CDH12: variants seen among roughly 807,000 people sequenced by gnomAD.
CDH12 encodes cadherin 12.
A neutral mutation model predicts 74.1 loss-of-function variants in CDH12; 41 were observed. The ratio of observed to expected loss-of-function variants is 0.55; its 90% confidence interval spans 0.43 to 0.72. The LOEUF (loss-of-function observed/expected upper bound fraction) is 0.72. Ranked by LOEUF, CDH12 falls within the 30% of genes least tolerant of loss-of-function variation. CDH12 has a pLI of 0.00. For missense variants in CDH12, 945 were observed against 977.2 expected (o/e 0.97, Z 0.44); for synonymous variants, 399 against 355.0 (o/e 1.12, Z -1.39).
chr5:22,608,026 C>G (rs1451852022), intron 1 of CDH12, among the ~76,000 whole-genome samples: 1 of 152,162 alleles, frequency 6.6e-6, no homozygotes, highest in Non-Finnish European at 1.5e-5. Context: ...GGGGTTGGAG[C>G]CCCACACAGA....
chr5:21,773,017 A>G (rs140910210), intron 11 of CDH12, among the ~76,000 whole-genome samples: 103 of 152,328 alleles, frequency 6.8e-4, no homozygotes, highest in African/African-American at 2.4e-3. Flanking sequence ...AGTCTATCAC[A>G]ATACAAATTT....
intron 2 of CDH12, among the ~76,000 whole-genome samples, chr5:22,431,097 A>G (rs1399820478): frequency 6.6e-6 from 1 of 152,162 alleles, no homozygotes. Flanking sequence ...GGATTACAAA[A>G]ATAGCTCAGT....
At chr5:22,320,928 G>A (rs531826790) in intron 3 of CDH12, among the ~76,000 whole-genome samples, 1 of 152,164 alleles carries the variant, frequency 6.6e-6, no homozygotes, top group Non-Finnish European at 1.5e-5. Context: ...ACAATGCAGT[G>A]TATCACAGTT....
chr5:22,725,292 G>A (rs1196137068), intron 1 of CDH12, among the ~76,000 whole-genome samples: 1 of 151,816 alleles, frequency 6.6e-6, no homozygotes, highest in African/African-American at 2.4e-5. Context: ...CTAAATTTAT[G>A]ATAGTAGCTA....
intron 11 of CDH12, among the ~76,000 whole-genome samples, chr5:21,782,181 T>C (rs569646935): frequency 1.4e-4 from 22 of 152,290 alleles, no homozygotes; most frequent in African/African-American, 5.3e-4. Context: ...ATTGTCAACC[T>C]GAGCACCGCA....
At chr5:22,425,827 C>T (rs1743908037) in intron 2 of CDH12, among the ~76,000 whole-genome samples, 1 of 151,982 alleles carries the variant, frequency 6.6e-6, no homozygotes, top group African/African-American at 2.4e-5. Flanking sequence ...AGGTGCACAC[C>T]ACTAAGTATG....
intron 2 of CDH12, among the ~76,000 whole-genome samples, chr5:22,424,002 CAAAAAAAA>C (rs1165781089): frequency 1.6e-4 from 5 of 31,222 alleles, no homozygotes; most frequent in Admixed American, 4.8e-4. Context: ...GACTCTGTCT[CAAAAAAAA>C]AAAAAAAAAA....
chr5:22,349,028 T>C (rs921567190), intron 3 of CDH12, among the ~76,000 whole-genome samples: 1 of 151,950 alleles, frequency 6.6e-6, no homozygotes, highest in African/African-American at 2.4e-5. Flanking sequence ...AAGAGTAGAG[T>C]CCTCATGAAT....
chr5:21,865,447 G>A (rs1751276103), intron 6 of CDH12, among the ~76,000 whole-genome samples: 1 of 152,162 alleles, frequency 6.6e-6, no homozygotes, highest in Non-Finnish European at 1.5e-5. Flanking sequence ...AGGCATTTCA[G>A]AGCACCTCAA....
chr5:22,479,858 A>G (rs1357944419), intron 2 of CDH12, among the ~76,000 whole-genome samples: 1 of 152,200 alleles, frequency 6.6e-6, no homozygotes, highest in Non-Finnish European at 1.5e-5. Flanking sequence ...AAAGAGAACT[A>G]AAATGAAGCC....
intron 3 of CDH12, among the ~76,000 whole-genome samples, chr5:22,362,102 C>T (rs1003357841): frequency 6.6e-6 from 1 of 152,074 alleles, no homozygotes; most frequent in African/African-American, 2.4e-5. Context: ...AACTAAAGAC[C>T]TTCTGCACAG....
At chr5:21,884,460 G>A in intron 6 of CDH12, 1 of 656,624 alleles carries the variant, frequency 1.5e-6, no homozygotes, top group Non-Finnish European at 2.7e-6. Flanking sequence ...ACTGGTTTCA[G>A]TTGACAAAAT....
At chr5:22,415,065 T>A (rs1270351) in intron 2 of CDH12, among the ~76,000 whole-genome samples, 101,129 of 151,858 alleles carry the variant, frequency 0.67, 34,578 homozygotes, top group East Asian at 0.77. Context: ...CTCTTAAACT[T>A]TTAGACTTTG....
chr5:22,039,055 C>T lies in CDH12; in HGVS notation c.231+39391G>A, dbSNP rs551669469. ...CAACAGGGTTCAAGCAACAGCTGCA[C>T]TCCACATGGTGGTCATGCTGCCACT... On this transcript the variant is annotated intron_variant, in intron 5 of 14. Transcript: ENST00000382254. Among the ~76,000 whole-genome samples, 32 of 152,284 alleles carry T rather than the reference C, an allele frequency of 2.1e-4. 1 individual carries two copies. Among genetic ancestry groups the T allele is most frequent in the East Asian group, 1.5e-3 (8 of 5,168 alleles).
At chr5:22,073,995 C>A (rs1303205101) in intron 5 of CDH12, among the ~76,000 whole-genome samples, 1 of 152,088 alleles carries the variant, frequency 6.6e-6, no homozygotes, top group East Asian at 1.9e-4. Context: ...GATCTTAGAA[C>A]AATGTAAGTT....
At chr5:21,906,481 A>G (rs1753647021) in intron 6 of CDH12, among the ~76,000 whole-genome samples, 1 of 152,230 alleles carries the variant, frequency 6.6e-6, no homozygotes, top group Non-Finnish European at 1.5e-5. Context: ...TCTTAAGGGA[A>G]GGAAAAGCTG....
intron 4 of CDH12, among the ~76,000 whole-genome samples, chr5:22,137,759 G>A (rs548841536): frequency 1.5e-4 from 23 of 152,154 alleles, no homozygotes; most frequent in African/African-American, 5.3e-4. Flanking sequence ...AGGCACAAGG[G>A]CGCCATAAAT....
chr5:21,982,019 A>G lies in CDH12; in HGVS notation c.232-6634T>C, dbSNP rs539486772. ...GCCTGATAGTTAATTTTATATGTCA[A>G]CTTGACTGAGCCATAAATTGCCCAG... is the stretch of plus-strand genomic sequence containing the variant. On this transcript the variant is annotated intron_variant, in intron 5 of 14. Transcript: ENST00000382254. 8.2e-4 allele frequency among the ~76,000 whole-genome samples: 125 copies of G among 152,216 alleles called. 1 individual carries two copies. The highest frequency in any genetic ancestry group is 2.9e-3 in the African/African-American group (120 of 41,542).
intron 3 of CDH12, among the ~76,000 whole-genome samples, chr5:22,402,075 G>T (rs1742753132): frequency 6.6e-6 from 1 of 152,148 alleles, no homozygotes; most frequent in Non-Finnish European, 1.5e-5. Context: ...GTGGCCATTT[G>T]TTACGACAGC....
Sources: gnomAD v4.1 joint callset for allele counts (sites outside exome capture counted in the v4.1 genomes callset) on GRCh38, gnomAD v4.1.1 for gene constraint, MANE v1.5 for transcripts, NCBI Gene and HGNC (gene_info 2026-07-23, HGNC 2026-07-21) for gene names.